The following XKR4 variants were observed in gnomAD, a reference collection of about 807,000 sequenced individuals.
The protein encoded by XKR4 is XK related 4.
XKR4 carries 12 observed loss-of-function variants against 53.9 expected under a neutral mutation model. The observed-to-expected ratio is 0.22, with a 90% CI of 0.14 to 0.36. XKR4 has a LOEUF of 0.36. XKR4 is among the 10% of genes least tolerant of loss of function. XKR4 has a pLI of 1.00. For missense variants in XKR4, 799 were observed against 859.5 expected, an observed-to-expected ratio of 0.93 and a Z score of 0.88; for synonymous variants, 354 against 362.4, an observed-to-expected ratio of 0.98 and a Z score of 0.26.
chr8:55,381,056 A>G (rs548586047), intron 2 of XKR4, among the ~76,000 whole-genome samples: 2 of 152,348 alleles, frequency 1.3e-5, no homozygotes, highest in Non-Finnish European at 2.9e-5. Context: ...GATGCATTAA[A>G]TGTCCGCTTC....
chr8:55,253,093 T>G (rs1398393443), intron 1 of XKR4, among the ~76,000 whole-genome samples: 1 of 152,198 alleles, frequency 6.6e-6, no homozygotes, highest in Non-Finnish European at 1.5e-5. Context: ...TTGCTTGATT[T>G]TACCTGCTTT....
At chr8:55,321,233 T>G (rs1286062935) in intron 1 of XKR4, among the ~76,000 whole-genome samples, 1 of 152,194 alleles carries the variant, frequency 6.6e-6, no homozygotes, top group African/African-American at 2.4e-5. Context: ...TTCTTTGTCA[T>G]TAGTTTCAAC....
At chr8:55,480,598 G>C (rs1325672359) in intron 2 of XKR4, among the ~76,000 whole-genome samples, 1 of 152,030 alleles carries the variant, frequency 6.6e-6, no homozygotes, top group African/African-American at 2.4e-5. Context: ...ATTAGGAAAA[G>C]AGGAAGTCAA....
At chr8:55,108,305 G>A (rs1329811290) in intron 1 of XKR4, among the ~76,000 whole-genome samples, 1 of 152,170 alleles carries the variant, frequency 6.6e-6, no homozygotes, top group African/African-American at 2.4e-5. Flanking sequence ...ATAATGAAAG[G>A]AATTTAGATT....
rs1376623817 is a variant in XKR4 at position 55,524,241 on chromosome 8, G to A, written c.*14G>A. The A allele has an allele frequency of 1.9e-6, 3 of 1,601,928 alleles. No homozygotes were observed. In the African/African-American group the frequency reaches 4.0e-5, roughly 21 times the overall value. ...ACCACTTTATAAAGCAAAAGGAGTT[G>A]CAGGACCCACAACATCCAGATGAAG... On this transcript the variant is annotated 3_prime_UTR_variant, in exon 3 of 3. Transcript: ENST00000327381.
chr8:55,208,000 G>C (rs1289876040), intron 1 of XKR4, among the ~76,000 whole-genome samples: 2 of 152,178 alleles, frequency 1.3e-5, no homozygotes, highest in Non-Finnish European at 2.9e-5. Flanking sequence ...AATGATAGTA[G>C]CCTGTGGGCT....
At chr8:55,415,069 CA>C (rs1223859341) in intron 2 of XKR4, among the ~76,000 whole-genome samples, 2 of 152,148 alleles carry the variant, frequency 1.3e-5, no homozygotes, top group Non-Finnish European at 2.9e-5. Context: ...TTAGTCCTGT[CA>C]AAACAGGCAG....
chr8:55,515,411 C>A (rs945141526), intron 2 of XKR4, among the ~76,000 whole-genome samples: 1 of 151,032 alleles, frequency 6.6e-6, no homozygotes, highest in Admixed American at 6.6e-5. Flanking sequence ...GTTTTTTTTT[C>A]AATTATTACC....
chr8:55,240,569 T>C (rs1023728854), intron 1 of XKR4, among the ~76,000 whole-genome samples: 4 of 152,114 alleles, frequency 2.6e-5, no homozygotes, highest in Non-Finnish European at 5.9e-5. Context: ...CAGGAATCAT[T>C]TGAGCCTCAT....
In XKR4 at chr8:55,467,588, T is replaced by C. The variant is rs995659824; in HGVS notation, c.1007-55693T>C. Among the ~76,000 whole-genome samples, 3 of 152,136 alleles carry C rather than the reference T, an allele frequency of 2.0e-5. No individual in the cohort carries two copies. In the South Asian group the frequency reaches 6.2e-4, roughly 31 times the overall value. On this transcript the variant is annotated intron_variant, in intron 2 of 2. Coordinates refer to ENST00000327381, the MANE Select transcript of XKR4 (RefSeq NM_052898.2). ...AAGATTTATGATTTAAATTGCCAGA[T>C]TTTCTGAAGAACGTTTATACTCCAC...
chr8:55,460,833 A>G (rs974844238), intron 2 of XKR4, among the ~76,000 whole-genome samples: 1 of 152,244 alleles, frequency 6.6e-6, no homozygotes, highest in Non-Finnish European at 1.5e-5. Context: ...AGGAAATTAT[A>G]TCCCTCACAT....
chr8:55,509,883 G>T (rs910328757), intron 2 of XKR4, among the ~76,000 whole-genome samples: 3 of 152,184 alleles, frequency 2.0e-5, no homozygotes, highest in African/African-American at 4.8e-5. Flanking sequence ...AGTGCTCCTG[G>T]TTAACCAAGA....
Position 55,428,776 on chromosome 8 carries a change from AG to A in XKR4, c.1006+70902del, listed in dbSNP as rs572207409. ...TAAAGCACTGACGAAAGAAAGTGAA[AG>A]GGATCTAAGTAAATAAGGAGACATA... On this transcript the variant is annotated intron_variant, in intron 2 of 2. Coordinates refer to ENST00000327381, the MANE Select transcript of XKR4 (RefSeq NM_052898.2). Among the ~76,000 whole-genome samples the A allele has an allele frequency of 1.1e-3, 163 of 152,368 alleles. 1 individual carries two copies. The highest frequency in any genetic ancestry group is 3.8e-3 in the African/African-American group (159 of 41,584).
At chr8:55,475,446 T>A (rs994663466) in intron 2 of XKR4, among the ~76,000 whole-genome samples, 2 of 151,958 alleles carry the variant, frequency 1.3e-5, no homozygotes, top group Non-Finnish European at 2.9e-5. Flanking sequence ...GGGGAAGGTC[T>A]TGCTCTGTCA....
chr8:55,278,394 A>G (rs115099485), intron 1 of XKR4, among the ~76,000 whole-genome samples: 3,963 of 151,518 alleles, frequency 0.026, 182 homozygotes, highest in African/African-American at 0.089. Context: ...TATTGTAAAT[A>G]TTTGTCTTTA....
chr8:55,152,506 AAATG>A (rs1816852328), intron 1 of XKR4, among the ~76,000 whole-genome samples: 1 of 152,202 alleles, frequency 6.6e-6, no homozygotes. Context: ...AAAGAATGAT[AAATG>A]AATGGTCAGT....
intron 2 of XKR4, among the ~76,000 whole-genome samples, chr8:55,472,294 G>C (rs1010544628): frequency 6.6e-6 from 1 of 151,952 alleles, no homozygotes; most frequent in African/African-American, 2.4e-5. Flanking sequence ...AAGGATGAAG[G>C]GTATATCTGG....
intron 1 of XKR4, among the ~76,000 whole-genome samples, chr8:55,158,238 G>T (rs1321587023): frequency 1.3e-5 from 2 of 152,112 alleles, no homozygotes; most frequent in South Asian, 2.1e-4. Flanking sequence ...GTTTTGATTT[G>T]CATTTCTCTA....
chr8:55,381,409 T>C (rs1804231035), intron 2 of XKR4, among the ~76,000 whole-genome samples: 1 of 152,190 alleles, frequency 6.6e-6, no homozygotes, highest in Non-Finnish European at 1.5e-5. Context: ...GGTCCCACTC[T>C]AGGCTGTCTG....
Sources: allele counts gnomAD v4.1 joint callset (sites outside exome capture counted in the v4.1 genomes callset), GRCh38; gene constraint gnomAD v4.1.1; transcripts MANE v1.5; gene names NCBI Gene and HGNC (gene_info 2026-07-23, HGNC 2026-07-21).